ZNF721: variants seen among roughly 807,000 people sequenced by gnomAD.
ZNF721 encodes zinc finger protein 721.
A neutral mutation model predicts 2.4 loss-of-function variants in ZNF721; 2 were observed. That is an observed-to-expected ratio of 0.82 (90% CI 0.34 to 2.58). The LOEUF (loss-of-function observed/expected upper bound fraction) is 2.58. Among genes scored for constraint, ZNF721 ranks in the 30% most tolerant of loss-of-function variants. The pLI, the probability that ZNF721 is intolerant of heterozygous loss-of-function variation, is 0.11. For missense variants in ZNF721, 1,187 were observed against 1,085.5 expected, an observed-to-expected ratio of 1.09 and a Z score of -1.31; for synonymous variants, 398 against 381.8, an observed-to-expected ratio of 1.04 and a Z score of -0.50.
intron 1 of ZNF721, among the ~76,000 whole-genome samples, chr4:486,516 G>A (rs1553870433): frequency 6.6e-6 from 1 of 152,136 alleles, no homozygotes; most frequent in East Asian, 1.9e-4. Context: ...GCTCCTAAAT[G>A]TGGGGTCTTA....
intron 2 of ZNF721, among the ~76,000 whole-genome samples, chr4:455,344 G>A (rs963242391): frequency 1.3e-5 from 2 of 152,164 alleles, no homozygotes; most frequent in Admixed American, 6.5e-5. Context: ...GAGGCGGGCG[G>A]ATCAGCTGAG....
At chr4:494,517 A>C (rs1482424287) in intron 1 of ZNF721, among the ~76,000 whole-genome samples, 10 of 151,896 alleles carry the variant, frequency 6.6e-5, no homozygotes, top group Non-Finnish European at 1.5e-4. Context: ...ATAAAGATTC[A>C]ATTTTTTTCC....
At chr4:460,541 G>A (rs1553865913) in intron 2 of ZNF721, among the ~76,000 whole-genome samples, 1 of 150,786 alleles carries the variant, frequency 6.6e-6, no homozygotes, top group Non-Finnish European at 1.5e-5. Context: ...AGAAGCAGGT[G>A]CAAACAAATT....
At chr4:452,672 A>C (rs1553864961) in intron 2 of ZNF721, among the ~76,000 whole-genome samples, 1 of 152,198 alleles carries the variant, frequency 6.6e-6, no homozygotes, top group East Asian at 1.9e-4. Context: ...CAAGGTGGGA[A>C]GAGGGTACCT....
At chr4:460,846 G>A (rs1209284621) in intron 2 of ZNF721, among the ~76,000 whole-genome samples, 1 of 152,114 alleles carries the variant, frequency 6.6e-6, no homozygotes, top group Non-Finnish European at 1.5e-5. Flanking sequence ...AGAAAATCCA[G>A]AAGAAATGGA....
rs781903108 is a variant in ZNF721 at position 444,002 on chromosome 4, G to A, written c.465C>T (p.His155=). ...DFGWYTDLNQ[H]KKIHTGEKPY... ...GTTTCTCTCCAGTATGAATTTTCTT[G>A]TGTTGATTCAGGTCTGTGTACCATC... Residue 155 remains histidine, a synonymous_variant, in exon 3 of 3, where the codon CAC becomes CAT. Coordinates refer to ENST00000511833, the MANE Select transcript of ZNF721 (RefSeq NM_133474.4). The A allele has an allele frequency of 3.1e-6, 5 of 1,613,764 alleles. No individual in the cohort carries two copies. The highest frequency in any genetic ancestry group is 1.3e-5 in the African/African-American group (1 of 74,868).
chr4:463,144 CAT>C (rs782645661), intron 2 of ZNF721, among the ~76,000 whole-genome samples: 48 of 152,306 alleles, frequency 3.2e-4, no homozygotes, highest in Non-Finnish European at 5.1e-4. Flanking sequence ...GGCCAACAAA[CAT>C]ATGAGAAAAA....
intron 2 of ZNF721, among the ~76,000 whole-genome samples, chr4:456,740 G>A (rs572533677): frequency 6.6e-6 from 1 of 152,262 alleles, no homozygotes; most frequent in East Asian, 1.9e-4. Flanking sequence ...TTAGCTGGGC[G>A]TGGTAGCACA....
At chr4:484,866 C>G (rs1318040724) in intron 1 of ZNF721, among the ~76,000 whole-genome samples, 2 of 152,192 alleles carry the variant, frequency 1.3e-5, no homozygotes, top group African/African-American at 4.8e-5. Flanking sequence ...AAGTCTGTCA[C>G]CCACACCTAT....
rs1714272795 is a variant in ZNF721, at chr4:442,308, G to A, written c.2159C>T (p.Thr720Ile). ...TTCACATTTGTAGGGTTTCTCCCTA[G>A]TGTGAACTCTCCTATGTGTAGTAAG... ...RNLTTHRRVH[T>I]REKPYKCEDR... is the part of the protein sequence containing the mutation. The change falls in exon 3 of 3, where the codon ACT (threonine) becomes ATT (isoleucine). Residue 720 changes from threonine to isoleucine, a missense_variant. Coordinates refer to ENST00000511833, the MANE Select transcript of ZNF721 (RefSeq NM_133474.4). 19 of 1,613,470 alleles carry A rather than the reference G, an allele frequency of 1.2e-5. No individual in the cohort carries two copies. Among genetic ancestry groups the A allele is most frequent in the Non-Finnish European group, 1.5e-5 (18 of 1,179,546 alleles).
At chr4:481,891 G>A (rs1293881644) in intron 1 of ZNF721, among the ~76,000 whole-genome samples, 1 of 152,198 alleles carries the variant, frequency 6.6e-6, no homozygotes, top group Admixed American at 6.5e-5. Flanking sequence ...ACACGCATAC[G>A]CTGCCTAATA....
intron 2 of ZNF721, among the ~76,000 whole-genome samples, chr4:467,150 G>A (rs1715277856): frequency 6.6e-6 from 1 of 152,054 alleles, no homozygotes; most frequent in Non-Finnish European, 1.5e-5. Flanking sequence ...CCAGGAGGTG[G>A]AGCTTGCAGT....
At chr4:493,873 G>A (rs1156871752) in intron 1 of ZNF721, among the ~76,000 whole-genome samples, 1 of 152,064 alleles carries the variant, frequency 6.6e-6, no homozygotes, top group South Asian at 2.1e-4. Flanking sequence ...GTATTTGGCA[G>A]GGATAATTAT....
rs782475318 is a variant in ZNF721, at chr4:442,679, C to G, written c.1788G>C (p.Arg596=). 1 of 1,613,840 alleles carries G rather than the reference C, an allele frequency of 6.2e-7. No individual in the cohort carries two copies. Among genetic ancestry groups the G allele is most frequent in the Non-Finnish European group, 8.5e-7 (1 of 1,179,930 alleles). The change falls in exon 3 of 3, where the codon CGG becomes CGC. Residue 596 remains arginine (R), a synonymous_variant. Transcript: ENST00000511833. ...KCEECGKAFG[R]YTDLNQHKKI... ...TCTTGTGTTGATTCAGGTCTGTGTA[C>G]CGTCCAAAGGCTTTGCCACACTCTT...
At chr4:494,422 G>A (rs1253879395) in intron 1 of ZNF721, among the ~76,000 whole-genome samples, 2 of 151,802 alleles carry the variant, frequency 1.3e-5, no homozygotes, top group African/African-American at 4.8e-5. Context: ...TCCCGACCTC[G>A]TGATCCACCC....
At chr4:445,895 A>C (rs1445044596) in intron 2 of ZNF721, among the ~76,000 whole-genome samples, 1 of 152,246 alleles carries the variant, frequency 6.6e-6, no homozygotes, top group Non-Finnish European at 1.5e-5. Context: ...GTGTGGTCTT[A>C]TAAGATTACC....
At chr4:447,333 ATAAAT>A (rs1293308646) in intron 2 of ZNF721, among the ~76,000 whole-genome samples, 2 of 152,068 alleles carry the variant, frequency 1.3e-5, no homozygotes, top group Non-Finnish European at 2.9e-5. Flanking sequence ...AAATAAATAA[ATAAAT>A]AAAATAAAAC....
chr4:442,213 G>A lies in ZNF721; in HGVS notation c.2254C>T (p.Leu752Phe). The A allele has an allele frequency of 8.1e-6, 13 of 1,612,564 alleles. No individual in the cohort carries two copies. The highest frequency in any genetic ancestry group is 1.1e-5 in the Non-Finnish European group (13 of 1,179,026). The change falls in exon 3 of 3, where the codon CTC becomes TTC. Residue 752 changes from leucine to phenylalanine, a missense_variant. Physicochemically the swap from Leu to Phe is conservative, Grantham distance 22. Transcript: ENST00000511833. ...TTCCCACATTCTTTACATTTGTAGA[G>A]TTTATCTCCAGTATGAATTTTCTTA... is the stretch of plus-strand genomic sequence containing the variant. ...EYKKIHTGDK[L>F]YKCKECGKVF...
Position 472,709 on chromosome 4 carries a change from T to C in ZNF721, c.-93-8A>G. 48 of 1,611,424 alleles carry C rather than the reference T, an allele frequency of 3.0e-5. No homozygotes were observed. The highest frequency in any genetic ancestry group is 4.1e-5 in the Non-Finnish European group (48 of 1,179,464). ...CCTGAATGTTAAGGGTTCCTGAAAA[T>C]ACATATGTATCAAGTGACAGAGTTC... On this transcript the variant is annotated splice_polypyrimidine_tract_variant and splice_region_variant and intron_variant, in intron 1 of 2. Transcript: ENST00000511833.
Sources: allele counts gnomAD v4.1 joint callset (sites outside exome capture counted in the v4.1 genomes callset), GRCh38; gene constraint gnomAD v4.1.1; transcripts MANE v1.5; gene names NCBI Gene and HGNC (gene_info 2026-07-23, HGNC 2026-07-21).